The following KDM6B variants were observed in gnomAD, a reference collection of about 807,000 sequenced individuals.
KDM6B encodes lysine-specific demethylase 6B.
In KDM6B, 22 loss-of-function variants were observed where a neutral mutation model predicts 150.4. The observed-to-expected ratio is 0.15, with a 90% CI of 0.10 to 0.21. The LOEUF (loss-of-function observed/expected upper bound fraction) is 0.21, where lower values mean the gene tolerates loss of function less well. KDM6B is among the 10% of genes least tolerant of loss of function. The pLI is 1.00. For missense variants in KDM6B, 1,984 were observed against 2,234.3 expected (o/e 0.89, Z 2.26); for synonymous variants, 1,148 against 921.1 (o/e 1.25, Z -4.46).
rs763148718 is a variant in KDM6B at position 7,848,441 on chromosome 17, G to C, written c.2153G>C (p.Gly718Ala). The C allele has an allele frequency of 1.2e-6, 2 of 1,612,748 alleles. No individual in the cohort carries two copies. The highest frequency in any genetic ancestry group is 8.5e-7 in the Non-Finnish European group (1 of 1,179,986). The change falls in exon 12 of 24, where the codon GGC becomes GCC. Residue 718 changes from glycine to alanine, a missense_variant. This residue lies in a region of KDM6B where 1,379 missense variants were observed against 1,275.6 expected (regional missense o/e 1.08). Transcript: ENST00000448097. ...GAGGAACAGCAACAACACGAAGCAG[G>C]CGTGGCCCCCCAACCCCCGCTGAAG... is the stretch of plus-strand genomic sequence containing the variant. ...KEEEQQQHEA[G>A]VAPQPPLKEP...
In KDM6B at chr17:7,854,721, T is replaced by G; in HGVS notation, c.*1200T>G. The G allele has an allele frequency of 4.4e-6, 1 of 224,848 alleles. No homozygotes were observed. Among genetic ancestry groups the G allele is most frequent in the South Asian group, 6.1e-5 (1 of 16,376 alleles). The allele number at this position is 224,848 out of a possible 1,614,324, so 13.9% of individuals were successfully genotyped here. A position where few individuals can be genotyped will look rare whatever the true frequency, so the allele number is the denominator to read the frequency against. ...TCTCTCTGCCCCAGGGGCAGAGGGG[T>G]CTTCCCAACCCTACCCCTATTTTCG... On this transcript the variant is annotated 3_prime_UTR_variant, in exon 24 of 24. Coordinates refer to ENST00000448097, the MANE Select transcript of KDM6B (RefSeq NM_001348716.2).
Position 7,844,922 on chromosome 17 carries a change from C to G in KDM6B, c.-247C>G, listed in dbSNP as rs2078500087. The stretch of plus-strand genomic sequence containing the variant: ...CCAGGCTGTTACTGAGGCGGAGACA[C>G]GGGTGATGATTGGCTTTCTGGGGAG... On this transcript the variant is annotated 5_prime_UTR_variant, in exon 3 of 24. Coordinates refer to ENST00000448097, the MANE Select transcript of KDM6B (RefSeq NM_001348716.2). This position sits in a 1 kb window ranked among gnomAD's most constrained non-coding sequence, Gnocchi z 5.9. 6.0e-6 allele frequency: 1 copy of G among 166,112 alleles called. No homozygotes were observed. The highest frequency in any genetic ancestry group is 2.4e-5 in the African/African-American group (1 of 41,564). The allele number at this position is 166,112 out of a possible 1,614,324, so 10.3% of individuals were successfully genotyped here. A position where few individuals can be genotyped will look rare whatever the true frequency, so the allele number is the denominator to read the frequency against.
Position 7,846,859 on chromosome 17 carries a change from TACCACCACCACCACCACC to T in KDM6B, c.774_791del (p.Pro259_Pro264del), listed in dbSNP as rs61462443. Reference sequence around the variant, plus strand: ...GGGCTGCCACTGCCTCCACCACCATTACCACCACCACCACCACCACCACCACCACCACCACCACCCCTG... The same window carrying T: ...GGGCTGCCACTGCCTCCACCACCATTACCACCACCACCACCACCACCCCTG... On this transcript the variant is annotated inframe_deletion, in exon 10 of 24. Transcript: ENST00000448097. 153 of 1,215,890 alleles carry T rather than the reference TACCACCACCACCACCACC, an allele frequency of 1.3e-4. No individual in the cohort carries two copies. Among genetic ancestry groups the T allele is most frequent in the South Asian group, 3.2e-4 (25 of 79,130 alleles). 75.3% of individuals were successfully genotyped at this position (1,215,890 alleles called of 1,614,324 possible).
chr17:7,844,996 G>T lies in KDM6B; in HGVS notation c.-173G>T, dbSNP rs1164446820. ...GATCTCTGGAGCTTGCCGACGCGGT[G>T]TGAGGACGCTCCCACGGAGGCCGGG... On this transcript the variant is annotated 5_prime_UTR_variant, in exon 3 of 24. Transcript: ENST00000448097. This position sits in a 1 kb window ranked among gnomAD's most constrained non-coding sequence, Gnocchi z 5.9. 1 of 189,610 alleles carries T rather than the reference G, an allele frequency of 5.3e-6. No homozygotes were observed. The highest frequency in any genetic ancestry group is 1.1e-5 in the Non-Finnish European group (1 of 88,396). 11.7% of individuals were successfully genotyped at this position (189,610 alleles called of 1,614,324 possible). A position where few individuals can be genotyped will look rare whatever the true frequency, so the allele number is the denominator to read the frequency against.
Position 7,849,424 on chromosome 17 carries a change from C to G in KDM6B, c.3136C>G (p.Pro1046Ala). ...PDLGGASKAK[P>A]PTAPAPPSAP... ...TCTTGGCGGGGCCTCCAAGGCCAAG[C>G]CACCCACAGCTCCAGCCCCTCCATC... is the stretch of plus-strand genomic sequence containing the variant. The change falls in exon 12 of 24, where the codon CCA (proline) becomes GCA (alanine). Residue 1046 changes from proline to alanine, a missense_variant. Physicochemically the swap from Pro to Ala is conservative, Grantham distance 27 (BLOSUM62 -1). Around this residue, in one of 13 missense-constraint regions of KDM6B, gnomAD observed 1,379 missense variants for 1,275.6 expected, o/e 1.08. Transcript: ENST00000448097. The G allele has an allele frequency of 1.2e-6, 2 of 1,611,908 alleles. No individual in the cohort carries two copies. The highest frequency in any genetic ancestry group is 1.7e-6 in the Non-Finnish European group (2 of 1,179,628).
intron 1 of KDM6B, among the ~76,000 whole-genome samples, chr17:7,838,082 G>A (rs2078357696): frequency 6.6e-6 from 1 of 150,976 alleles, no homozygotes; most frequent in Admixed American, 6.6e-5. Flanking sequence ...TATGGTTCTT[G>A]ATTTTGAAGC....
At chr17:7,845,814 C>G (rs901892348) in intron 5 of KDM6B, 58 bp from the exon 6 acceptor site, 11 of 1,586,816 alleles carry the variant, frequency 6.9e-6, no homozygotes, top group Non-Finnish European at 8.7e-6. Context: ...CCCCTCCTGC[C>G]TAGGTAGGAC....
In KDM6B at chr17:7,848,750, C is replaced by G; in HGVS notation, c.2462C>G (p.Thr821Ser). 3 of 1,612,866 alleles carry G rather than the reference C, an allele frequency of 1.9e-6. No individual in the cohort carries two copies. The Middle Eastern group carries it at 5.0e-4, about 266-fold the overall frequency. ...LEGQKYCYRG[T>S]GAAVSTRPGP... ...GGACAAAAGTACTGTTATCGGGGGA[C>G]TGGAGCAGCTGTTTCCACCCGGCCT... The change falls in exon 12 of 24, where the codon ACT (threonine) becomes AGT (serine). Residue 821 changes from threonine to serine, a missense_variant. Thr to Ser is a moderately conservative substitution (Grantham distance 58). Transcript: ENST00000448097.
Position 7,848,480 on chromosome 17 carries a change from C to T in KDM6B, c.2192C>T (p.Ser731Phe). 1 of 1,611,868 alleles carries T rather than the reference C, an allele frequency of 6.2e-7. No individual in the cohort carries two copies. The highest frequency in any genetic ancestry group is 1.3e-5 in the African/African-American group (1 of 74,868). The change falls in exon 12 of 24, where the codon TCT becomes TTT. Residue 731 changes from serine (S) to phenylalanine (F), a missense_variant. By Grantham distance (155) the Ser-to-Phe change is radical. This residue lies in a region of KDM6B where 1,379 missense variants were observed against 1,275.6 expected (regional missense o/e 1.08). Coordinates refer to ENST00000448097, the MANE Select transcript of KDM6B (RefSeq NM_001348716.2). ...PQPPLKEPFA[S>F]LQSPFPTDTA... Reference sequence around the variant, plus strand: ...CCCCCGCTGAAGGAGCCCTTTGCATCTCTGCAGTCTCCTTTCCCCACCGAC... The same window carrying T: ...CCCCCGCTGAAGGAGCCCTTTGCATTTCTGCAGTCTCCTTTCCCCACCGAC...
chr17:7,845,879 G>T lies in KDM6B; in HGVS notation c.145G>T (p.Ala49Ser), dbSNP rs2078522876. The change falls in exon 6 of 24, where the codon GCC becomes TCC. Residue 49 changes from alanine to serine, a missense_variant. By Grantham distance (99) the Ala-to-Ser change is moderately conservative (BLOSUM62 1). Transcript: ENST00000448097. ...SAWLPGGRCS[A>S]SIGQPPLPAP... ...GACTCCTTCTCTCTCCAGATGCTCA[G>T]CCAGCATTGGGCAGCCCCCGCTTCC... 2.5e-6 allele frequency: 4 copies of T among 1,613,748 alleles called. No individual in the cohort carries two copies. Among genetic ancestry groups the T allele is most frequent in the Non-Finnish European group, 3.4e-6 (4 of 1,179,670 alleles).
intron 1 of KDM6B, among the ~76,000 whole-genome samples, chr17:7,834,868 C>T (rs969326024): frequency 9.9e-5 from 15 of 152,138 alleles, no homozygotes; most frequent in Non-Finnish European, 1.9e-4. Context: ...CCTTCGCCTT[C>T]TTCCCACCAC....
chr17:7,838,036 A>G (rs2078357117), intron 1 of KDM6B, among the ~76,000 whole-genome samples: 1 of 151,618 alleles, frequency 6.6e-6, no homozygotes, highest in Non-Finnish European at 1.5e-5. Flanking sequence ...AATAGCTAAG[A>G]CTATTCCGTG....
rs770644165 is a variant in KDM6B, at chr17:7,846,613, C to T, written c.584C>T (p.Pro195Leu). ...KRNYGAKRGG[P>L]PVKRAAEPPV... ...AACTATGGAGCCAAGCGGGGAGGTCCCCCGGTGAAGCGAGCTGCTGAACCC... is the reference window on the plus strand; with the variant it reads ...AACTATGGAGCCAAGCGGGGAGGTCTCCCGGTGAAGCGAGCTGCTGAACCC... The change falls in exon 9 of 24, where the codon CCC becomes CTC. Residue 195 changes from proline (P) to leucine (L), a missense_variant. By Grantham distance (98) the Pro-to-Leu change is moderately conservative. Around this residue, in one of 13 missense-constraint regions of KDM6B, gnomAD observed 337 missense variants for 323.9 expected, o/e 1.04. Coordinates refer to ENST00000448097, the MANE Select transcript of KDM6B (RefSeq NM_001348716.2). 2.5e-6 allele frequency: 4 copies of T among 1,613,984 alleles called. No individual in the cohort carries two copies. Among genetic ancestry groups the T allele is most frequent in the African/African-American group, 1.3e-5 (1 of 74,892 alleles).
rs755476780 is a variant in KDM6B, at chr17:7,849,068, G to A, written c.2780G>A (p.Arg927Gln). The part of the protein sequence containing the change: ...ISRACETLVE[R>Q]VGRSATDPAD... ...CGGGCTTGCGAGACCCTTGTGGAGCGGGTGGGCCGGAGTGCCACTGACCCA... is the reference window on the plus strand; with the variant it reads ...CGGGCTTGCGAGACCCTTGTGGAGCAGGTGGGCCGGAGTGCCACTGACCCA... The change falls in exon 12 of 24, where the codon CGG (arginine) becomes CAG (glutamine). Residue 927 changes from arginine to glutamine, a missense_variant. Physicochemically the swap from Arg to Gln is conservative, Grantham distance 43. This residue lies in a region of KDM6B where 1,379 missense variants were observed against 1,275.6 expected (regional missense o/e 1.08). Transcript: ENST00000448097. 29 of 1,612,132 alleles carry A rather than the reference G, an allele frequency of 1.8e-5. No homozygotes were observed. Among genetic ancestry groups the A allele is most frequent in the Middle Eastern group, 1.6e-4 (1 of 6,084 alleles).
intron 7 of KDM6B, 29 bp from the exon 8 acceptor site, chr17:7,846,371 G>GGGGGGGGGCCGGGGGCCC: frequency 2.0e-6 from 3 of 1,488,918 alleles, no homozygotes; most frequent in Non-Finnish European, 2.8e-6. Flanking sequence ...CCTGACATCT[G>GGGGGGGGGCCGGGGGCCC]CCCCTGCCCC....
rs1345809834 is a variant in KDM6B at position 7,849,409 on chromosome 17, G to A, written c.3121G>A (p.Ala1041Thr). 2 of 1,611,540 alleles carry A rather than the reference G, an allele frequency of 1.2e-6. No individual in the cohort carries two copies. Among genetic ancestry groups the A allele is most frequent in the South Asian group, 1.1e-5 (1 of 90,922 alleles). ...GAAGTCCCGGCCCGATCTTGGCGGG[G>A]CCTCCAAGGCCAAGCCACCCACAGC... ...REKSRPDLGG[A>T]SKAKPPTAPA... Residue 1041 changes from alanine to threonine, a missense_variant, in exon 12 of 24, where the codon GCC becomes ACC. Transcript: ENST00000448097.
intron 21 of KDM6B, among the ~76,000 whole-genome samples, 164 bp downstream of exon 21, chr17:7,852,800 T>A (rs2078726138): frequency 6.6e-6 from 1 of 152,192 alleles, no homozygotes; most frequent in East Asian, 1.9e-4. Flanking sequence ...GTCATGACCT[T>A]TTCTAGTGGT....
In KDM6B at chr17:7,845,983, T is replaced by A. The variant is rs1470939222; in HGVS notation, c.236+13T>A. On this transcript the variant is annotated intron_variant, in intron 6 of 23. Coordinates refer to ENST00000448097, the MANE Select transcript of KDM6B (RefSeq NM_001348716.2). ...ATTATGCTCCAGGGTGAGTGGATAT[T>A]TGAAGGTTCTGGGAGTGGGAGGTAA... The A allele has an allele frequency of 1.9e-6, 3 of 1,612,500 alleles. No homozygotes were observed. Among genetic ancestry groups the A allele is most frequent in the Non-Finnish European group, 2.5e-6 (3 of 1,178,556 alleles).
Position 7,847,848 on chromosome 17 carries a change from C to T in KDM6B, c.1560C>T (p.Pro520=). 1 of 1,566,228 alleles carries T rather than the reference C, an allele frequency of 6.4e-7. No individual in the cohort carries two copies. The highest frequency in any genetic ancestry group is 1.4e-5 in the African/African-American group (1 of 73,364). The stretch of plus-strand genomic sequence containing the variant: ...CCCGCCCTGCCCCACCACCCCTCCC[C>T]CATCGCGAGGGCTTCTTGGGGCCTC... ...GPPRPAPPPL[P]HREGFLGPPA... The change falls in exon 12 of 24, where the codon CCC becomes CCT. Residue 520 remains proline (P), a synonymous_variant. Coordinates refer to ENST00000448097, the MANE Select transcript of KDM6B (RefSeq NM_001348716.2).
Sources: allele counts gnomAD v4.1 joint callset (sites outside exome capture counted in the v4.1 genomes callset), GRCh38; gene constraint gnomAD v4.1.1; regional missense constraint gnomAD v4.1.1; non-coding constraint Gnocchi (gnomAD v3.1); transcripts MANE v1.5; gene names NCBI Gene and HGNC (gene_info 2026-07-23, HGNC 2026-07-21).